DNAJB6: variants seen among roughly 807,000 people sequenced by gnomAD.
The protein encoded by DNAJB6 is dnaJ homolog subfamily B member 6.
DNAJB6 carries 16 observed loss-of-function variants against 42.7 expected under a neutral mutation model. That is an observed-to-expected ratio of 0.37 (90% CI 0.25 to 0.57). The LOEUF (loss-of-function observed/expected upper bound fraction) is 0.57. Ranked by LOEUF, DNAJB6 falls within the 20% of genes least tolerant of loss-of-function variation. The pLI is 0.74. For missense variants in DNAJB6, 347 were observed against 416.8 expected (o/e 0.83, Z 1.46); for synonymous variants, 170 against 163.5 (o/e 1.04, Z -0.30).
intron 1 of DNAJB6, among the ~76,000 whole-genome samples, chr7:157,345,069 C>G (rs1798614853): frequency 6.6e-6 from 1 of 152,150 alleles, no homozygotes; most frequent in South Asian, 2.1e-4. Flanking sequence ...TCTCGGCTCA[C>G]TGCAACCTCT....
chr7:157,383,598 C>T (rs1367476854), intron 6 of DNAJB6, among the ~76,000 whole-genome samples: 1 of 123,652 alleles, frequency 8.1e-6, no homozygotes, highest in East Asian at 2.3e-4. Flanking sequence ...ATCAGTGGCT[C>T]CTGTATGTGT....
chr7:157,416,018 T>C lies in DNAJB6; in HGVS notation c.901T>C (p.Leu301=), dbSNP rs990304178. 1.2e-6 allele frequency: 2 copies of C among 1,614,140 alleles called. No homozygotes were observed. Among genetic ancestry groups the C allele is most frequent in the Non-Finnish European group, 1.7e-6 (2 of 1,180,038 alleles). The change falls in exon 10 of 10, where the codon TTG becomes CTG. Residue 301 remains leucine (L), a splice_region_variant and synonymous_variant. Coordinates refer to ENST00000262177, the MANE Select transcript of DNAJB6 (RefSeq NM_058246.4). ...PWDPLASAAG[L]KEGGKRKKQK... is the part of the protein sequence containing the mutation. Reference sequence around the variant, plus strand: ...TTTTACAAGCCGTGTTTCCTTAGGATTGAAAGAAGGTGGCAAGAGGAAGAA... The same window carrying C: ...TTTTACAAGCCGTGTTTCCTTAGGACTGAAAGAAGGTGGCAAGAGGAAGAA...
chr7:157,385,144 C>T, intron 7 of DNAJB6, 136 bp downstream of exon 7: 1 of 899,830 alleles, frequency 1.1e-6, no homozygotes, highest in Non-Finnish European at 1.6e-6. Context: ...CTTTTGCTCT[C>T]CAAATTCATT....
intron 5 of DNAJB6, among the ~76,000 whole-genome samples, chr7:157,375,105 C>G (rs1026490285): frequency 2.0e-5 from 3 of 152,180 alleles, no homozygotes; most frequent in Non-Finnish European, 4.4e-5. Flanking sequence ...CTTGAGGCTG[C>G]AGGCAGACCT....
rs566450985 is a variant in DNAJB6, at chr7:157,359,724, C to T, written c.65+1087C>T. 6.6e-5 allele frequency among the ~76,000 whole-genome samples: 10 copies of T among 152,254 alleles called. No homozygotes were observed. In the South Asian group the frequency reaches 1.7e-3, roughly 25 times the overall value. Reference sequence around the variant, plus strand: ...GTCCCAACTGCTCCAGAGGCTGAGGCAGGAGAATTGCTTGAGCCCAGGAGG... The same window carrying T: ...GTCCCAACTGCTCCAGAGGCTGAGGTAGGAGAATTGCTTGAGCCCAGGAGG... On this transcript the variant is annotated intron_variant, in intron 2 of 9. Transcript: ENST00000262177.
chr7:157,370,309 A>G (rs566831596), intron 5 of DNAJB6, among the ~76,000 whole-genome samples: 94 of 147,634 alleles, frequency 6.4e-4, no homozygotes, highest in Admixed American at 3.9e-3. Context: ...CCTTCTTAAC[A>G]TTATTATTAA....
rs138647936 is a variant in DNAJB6, at chr7:157,348,608, G to C, written c.-26-9939G>C. On this transcript the variant is annotated intron_variant, in intron 1 of 9. Coordinates refer to ENST00000262177, the MANE Select transcript of DNAJB6 (RefSeq NM_058246.4). ...TCGTTTGGAGCATCTTCGTAACCCT[G>C]CCGTCCAGTCATCACTCTCTTAAGT... Among the ~76,000 whole-genome samples the C allele has an allele frequency of 1.4e-4, 21 of 152,200 alleles. No homozygotes were observed. The East Asian group carries it at 3.9e-3, about 28-fold the overall frequency.
rs1798238803 is a variant in DNAJB6 at position 157,339,598 on chromosome 7, C to CG, written c.-27+2454_-27+2455insG. On this transcript the variant is annotated intron_variant, in intron 1 of 9. Transcript: ENST00000262177. ...ACAGGCATGAGCCACCGCGCCCGGC[C>CG]TTTTGTGTGTGTGTGTGTGTGTGTG... is the stretch of plus-strand genomic sequence containing the variant. Among the ~76,000 whole-genome samples the CG allele has an allele frequency of 2.0e-4, 27 of 134,312 alleles. No individual in the cohort carries two copies. The East Asian group carries it at 3.5e-3, about 18-fold the overall frequency. The allele number at this position is 134,312 out of a possible 152,430, so 88.1% of individuals were successfully genotyped here. A position where few individuals can be genotyped will look rare whatever the true frequency, so the allele number is the denominator to read the frequency against.
chr7:157,382,176 C>T, intron 5 of DNAJB6, 70 bp from the exon 6 acceptor site: 2 of 1,468,292 alleles, frequency 1.4e-6, no homozygotes, highest in African/African-American at 1.4e-5. Context: ...TTTTCTCTTA[C>T]TGTAGCTATC....
chr7:157,397,108 A>G (rs929121856), intron 8 of DNAJB6, among the ~76,000 whole-genome samples: 1 of 152,194 alleles, frequency 6.6e-6, no homozygotes, highest in Non-Finnish European at 1.5e-5. Flanking sequence ...GGCTATCAGG[A>G]TGCTGTGCCG....
At chr7:157,408,583 C>T (rs576790547) in intron 8 of DNAJB6, among the ~76,000 whole-genome samples, 1 of 152,224 alleles carries the variant, frequency 6.6e-6, no homozygotes, top group African/African-American at 2.4e-5. Context: ...CAGAGCCTGG[C>T]CTGAGGGGAC....
intron 8 of DNAJB6, among the ~76,000 whole-genome samples, chr7:157,387,432 C>T (rs551542864): frequency 2.6e-5 from 4 of 152,238 alleles, no homozygotes; most frequent in South Asian, 2.1e-4. Context: ...TCATAGAGCG[C>T]GCTTTTGTTT....
At chr7:157,398,969 A>G in intron 8 of DNAJB6, among the ~76,000 whole-genome samples, 1 of 152,236 alleles carries the variant, frequency 6.6e-6, no homozygotes, top group East Asian at 1.9e-4. Context: ...TTACATGGAA[A>G]GTTTTAAAAG....
intron 8 of DNAJB6, among the ~76,000 whole-genome samples, chr7:157,387,313 C>A (rs562025866): frequency 6.6e-6 from 1 of 152,180 alleles, no homozygotes; most frequent in Admixed American, 6.5e-5. Context: ...ACCCAGCACG[C>A]GGCACTTCCT....
chr7:157,371,302 T>C (rs1006595665), intron 5 of DNAJB6, among the ~76,000 whole-genome samples: 3 of 152,256 alleles, frequency 2.0e-5, no homozygotes, highest in Non-Finnish European at 2.9e-5. Flanking sequence ...TAGTTTAAAA[T>C]GTGCTGTAAG....
intron 6 of DNAJB6, among the ~76,000 whole-genome samples, chr7:157,383,482 T>C (rs1418649850): frequency 6.6e-6 from 1 of 152,240 alleles, no homozygotes; most frequent in Non-Finnish European, 1.5e-5. Flanking sequence ...TCAGTTTTGA[T>C]GTGCTTTCCC....
intron 7 of DNAJB6, 97 bp from the exon 8 acceptor site, chr7:157,385,444 C>A: frequency 7.9e-7 from 1 of 1,265,860 alleles, no homozygotes; most frequent in Non-Finnish European, 1.1e-6. Flanking sequence ...TACTTATATT[C>A]ATGGTGTATT....
chr7:157,401,460 C>T (rs1343065442), intron 8 of DNAJB6, among the ~76,000 whole-genome samples: 4 of 152,206 alleles, frequency 2.6e-5, no homozygotes, highest in Non-Finnish European at 4.4e-5. Flanking sequence ...ATCTGCCTGC[C>T]TCGGCCTCCC....
At chr7:157,363,093 T>G in intron 2 of DNAJB6, 68 bp from the exon 3 acceptor site, 1 of 1,075,502 alleles carries the variant, frequency 9.3e-7, no homozygotes, top group Non-Finnish European at 1.4e-6. Flanking sequence ...TGGTTAATGA[T>G]GTTAGTTTCA....
Sources: allele counts gnomAD v4.1 joint callset (sites outside exome capture counted in the v4.1 genomes callset), GRCh38; gene constraint gnomAD v4.1.1; transcripts MANE v1.5; gene names NCBI Gene and HGNC (gene_info 2026-07-23, HGNC 2026-07-21).